The following SLC25A24 variants were observed in gnomAD, a reference collection of about 807,000 sequenced individuals.
SLC25A24 encodes the protein mitochondrial adenyl nucleotide antiporter SLC25A24.
In SLC25A24, 49 loss-of-function variants were observed where a neutral mutation model predicts 60.7. The ratio of observed to expected loss-of-function variants is 0.81; its 90% CI spans 0.64 to 1.02. The LOEUF (loss-of-function observed/expected upper bound fraction) is 1.02, where lower values mean the gene tolerates loss of function less well. SLC25A24 is among the 50% of genes least tolerant of loss of function. SLC25A24 has a pLI of 0.00. For synonymous variants in SLC25A24, 202 were observed against 200.6 expected (o/e 1.01, Z -0.06); for missense variants, 564 against 586.3 (o/e 0.96, Z 0.39).
intron 4 of SLC25A24, among the ~76,000 whole-genome samples, chr1:108,160,819 G>A (rs1293371244): frequency 6.6e-6 from 1 of 152,198 alleles, no homozygotes; most frequent in Non-Finnish European, 1.5e-5. Context: ...GCGTGGCGGT[G>A]CGCGCCTGCA....
Position 108,200,277 on chromosome 1 carries a change from T to A in SLC25A24, c.-139A>T. 1 of 766,774 alleles carries A rather than the reference T, an allele frequency of 1.3e-6. No homozygotes were observed. Among genetic ancestry groups the A allele is most frequent in the Non-Finnish European group, 1.8e-6 (1 of 558,198 alleles). The allele number at this position is 766,774 out of a possible 1,614,324, so 47.5% of individuals were successfully genotyped here. On this transcript the variant is annotated 5_prime_UTR_variant, in exon 1 of 10. Transcript: ENST00000565488. ...TTTGGGGCGCCGTCGGGGTTGCGGC[T>A]GCGGCGCGCAGGGCGCAGGGCGCAG...
intron 4 of SLC25A24, among the ~76,000 whole-genome samples, chr1:108,160,441 G>A (rs1039804673): frequency 3.3e-5 from 5 of 150,984 alleles, no homozygotes; most frequent in Non-Finnish European, 7.4e-5. Flanking sequence ...TGGCGGCCGG[G>A]CAGAGACACT....
chr1:108,173,741 C>CA lies in SLC25A24; in HGVS notation c.398+8199dup, dbSNP rs200927403. ...AGAGGTGGGAAAGTTTGTAAGTTCC[C>CA]AGAGACTTGTTGAATTGCTTTGACC... On this transcript the variant is annotated intron_variant, in intron 3 of 9. Coordinates refer to ENST00000565488, the MANE Select transcript of SLC25A24 (RefSeq NM_013386.5). Among the ~76,000 whole-genome samples the CA allele has an allele frequency of 6.5e-3, 995 of 152,254 alleles. 8 individuals carry two copies. Among genetic ancestry groups the CA allele is most frequent in the Non-Finnish European group, 0.01 (709 of 68,024 alleles).
chr1:108,145,336 C>T (rs1189414705), intron 7 of SLC25A24, among the ~76,000 whole-genome samples: 3 of 152,028 alleles, frequency 2.0e-5, no homozygotes, highest in Non-Finnish European at 4.4e-5. Flanking sequence ...GGATAGATTG[C>T]AAAATTTTTC....
chr1:108,154,107 G>A (rs1391949793), intron 6 of SLC25A24, among the ~76,000 whole-genome samples: 1 of 127,338 alleles, frequency 7.9e-6, no homozygotes, highest in Non-Finnish European at 1.6e-5. Flanking sequence ...TATTTCCTAG[G>A]CAAAGAAAAG....
chr1:108,159,230 A>C (rs1679986899), intron 4 of SLC25A24, among the ~76,000 whole-genome samples: 1 of 152,204 alleles, frequency 6.6e-6, no homozygotes, highest in Non-Finnish European at 1.5e-5. Flanking sequence ...GAATATTGTT[A>C]AGTGCCTTAT....
rs558475308 is a variant in SLC25A24, at chr1:108,164,345, T to C, written c.399-3052A>G. On this transcript the variant is annotated intron_variant, in intron 3 of 9. Coordinates refer to ENST00000565488, the MANE Select transcript of SLC25A24 (RefSeq NM_013386.5). ...GAGGATTCCCTCTTTTTCTATTGAT[T>C]GGAATAGTTTCAGAAGGAATGGTAC... Among the ~76,000 whole-genome samples the C allele has an allele frequency of 8.8e-3, 1,317 of 150,002 alleles. 3 individuals are homozygous for C. Among genetic ancestry groups the C allele is most frequent in the Non-Finnish European group, 0.013 (875 of 66,686 alleles).
At chr1:108,142,604 A>G (rs1055963019) in intron 8 of SLC25A24, among the ~76,000 whole-genome samples, 6 of 152,182 alleles carry the variant, frequency 3.9e-5, no homozygotes, top group Non-Finnish European at 7.4e-5. Flanking sequence ...AGAGGTTACC[A>G]AAGGTTTGAG....
chr1:108,142,965 G>A (rs1008937486), intron 8 of SLC25A24, among the ~76,000 whole-genome samples: 1 of 152,014 alleles, frequency 6.6e-6, no homozygotes, highest in African/African-American at 2.4e-5. Context: ...CATGCACCCT[G>A]GCTCATGTCT....
intron 9 of SLC25A24, among the ~76,000 whole-genome samples, chr1:108,138,062 C>T (rs1022201114): frequency 6.6e-6 from 1 of 152,236 alleles, no homozygotes; most frequent in African/African-American, 2.4e-5. Flanking sequence ...CCAGTCTCAG[C>T]TTCACTGACA....
At chr1:108,196,545 C>G (rs926075814) in intron 1 of SLC25A24, among the ~76,000 whole-genome samples, 1 of 152,212 alleles carries the variant, frequency 6.6e-6, no homozygotes, top group African/African-American at 2.4e-5. Context: ...CCTTCTTGCT[C>G]TTGATAATTG....
chr1:108,163,980 T>A (rs1051931412), intron 3 of SLC25A24, among the ~76,000 whole-genome samples: 4 of 152,248 alleles, frequency 2.6e-5, no homozygotes, highest in African/African-American at 9.6e-5. Flanking sequence ...ATACCTAATT[T>A]ATTGAAAGTT....
chr1:108,199,182 T>C (rs1648585942), intron 1 of SLC25A24: 1 of 152,200 alleles, frequency 6.6e-6, no homozygotes, highest in South Asian at 2.1e-4. Context: ...AAGTGAAATA[T>C]AACTATATAA....
chr1:108,174,054 T>C (rs748421103), intron 3 of SLC25A24, among the ~76,000 whole-genome samples: 12 of 152,210 alleles, frequency 7.9e-5, no homozygotes, highest in Admixed American at 1.3e-4. Flanking sequence ...GAAAAATCTA[T>C]TTTCTGAGGA....
At chr1:108,183,208 C>T (rs996086983) in intron 2 of SLC25A24, among the ~76,000 whole-genome samples, 35 of 144,906 alleles carry the variant, frequency 2.4e-4, no homozygotes, top group African/African-American at 8.6e-4. Flanking sequence ...GAGAAAGGAC[C>T]CTGGAGAGAT....
chr1:108,182,770 T>C (rs947386957), intron 2 of SLC25A24, among the ~76,000 whole-genome samples: 18 of 151,882 alleles, frequency 1.2e-4, no homozygotes, highest in Admixed American at 9.2e-4. Flanking sequence ...GAGGCGGAGG[T>C]TGCAGTGAGC....
At chr1:108,148,190 A>T in intron 7 of SLC25A24, 89 bp downstream of exon 7, 1 of 848,808 alleles carries the variant, frequency 1.2e-6, no homozygotes, top group Non-Finnish European at 2.0e-6. Context: ...TGCTTGTTTT[A>T]AACTGTTAAT....
At position 108,178,642 on chromosome 1, in the gene SLC25A24, G is replaced by A. The variant is rs531400552; in HGVS notation, c.398+3299C>T. Among the ~76,000 whole-genome samples the A allele has an allele frequency of 2.7e-3, 409 of 152,160 alleles. 1 individual carries two copies. The highest frequency in any genetic ancestry group is 9.4e-3 in the African/African-American group (392 of 41,518). On this transcript the variant is annotated intron_variant, in intron 3 of 9. Coordinates refer to ENST00000565488, the MANE Select transcript of SLC25A24 (RefSeq NM_013386.5). ...ATCCTGGCTAACACAGTGAAACCCCGTCTCTACTCAACATACAAAAAATTA... is the reference window on the plus strand; with the variant it reads ...ATCCTGGCTAACACAGTGAAACCCCATCTCTACTCAACATACAAAAAATTA...
At chr1:108,167,876 T>C (rs1429966400) in intron 3 of SLC25A24, among the ~76,000 whole-genome samples, 1 of 152,246 alleles carries the variant, frequency 6.6e-6, no homozygotes, top group East Asian at 1.9e-4. Context: ...TACTCAAATA[T>C]TTATCATTAA....
Sources: allele counts gnomAD v4.1 joint callset (sites outside exome capture counted in the v4.1 genomes callset), GRCh38; gene constraint gnomAD v4.1.1; transcripts MANE v1.5; gene names NCBI Gene and HGNC (gene_info 2026-07-23, HGNC 2026-07-21).